The following PARD3B variants were observed in gnomAD, a reference collection of about 807,000 sequenced individuals.
The protein encoded by PARD3B is par-3 family cell polarity regulator beta.
A neutral mutation model predicts 130.2 loss-of-function variants in PARD3B; 103 were observed. The observed-to-expected ratio is 0.79, with a 90% CI of 0.67 to 0.93. PARD3B has a LOEUF of 0.93. Among genes scored for constraint, PARD3B ranks in the 40% least tolerant of loss-of-function variants. PARD3B has a pLI of 0.00. For synonymous variants in PARD3B, 583 were observed against 553.2 expected (o/e 1.05, Z -0.76); for missense variants, 1,609 against 1,499.2 (o/e 1.07, Z -1.21).
At chr2:205,452,702 C>T (rs548494225) in intron 20 of PARD3B, among the ~76,000 whole-genome samples, 5 of 152,222 alleles carry the variant, frequency 3.3e-5, no homozygotes, top group African/African-American at 9.6e-5. Context: ...TTTTTCCCGT[C>T]GTCTGAGAGC....
Position 205,556,423 on chromosome 2 carries a change from C to T in PARD3B, c.3260+3020C>T, listed in dbSNP as rs2052889607. On this transcript the variant is annotated intron_variant, in intron 22 of 22. Coordinates refer to ENST00000406610, the MANE Select transcript of PARD3B (RefSeq NM_001302769.2). ...GCTCTGGTCAAGTGCTTTCATGGAA[C>T]TCGGTCATCTTTAAAGCAGGCCCAT... Among the ~76,000 whole-genome samples, 12 of 152,282 alleles carry T rather than the reference C, an allele frequency of 7.9e-5. No individual in the cohort carries two copies. In the South Asian group the frequency reaches 2.3e-3, roughly 29 times the overall value.
chr2:205,259,144 A>G (rs1364679924), intron 16 of PARD3B, among the ~76,000 whole-genome samples: 1 of 152,082 alleles, frequency 6.6e-6, no homozygotes, highest in Admixed American at 6.6e-5. Context: ...TATTAATTTC[A>G]GTGTTTTATG....
intron 2 of PARD3B, among the ~76,000 whole-genome samples, chr2:204,761,019 A>C (rs761338142): frequency 1.4e-4 from 22 of 152,132 alleles, no homozygotes; most frequent in Non-Finnish European, 2.5e-4. Flanking sequence ...CTTTTATTTA[A>C]TCTTTACAAT....
intron 2 of PARD3B, among the ~76,000 whole-genome samples, chr2:204,897,080 T>TC (rs1357955924): frequency 6.6e-6 from 1 of 152,222 alleles, no homozygotes; most frequent in African/African-American, 2.4e-5. Flanking sequence ...TAAGTGTTTT[T>TC]CCCTTATGTT....
intron 2 of PARD3B, among the ~76,000 whole-genome samples, chr2:204,891,366 G>A (rs1277202636): frequency 2.6e-5 from 4 of 152,108 alleles, no homozygotes; most frequent in Admixed American, 1.3e-4. Context: ...AATAGTGAAG[G>A]CATCCAGGTG....
chr2:205,070,389 A>G (rs923894189), intron 4 of PARD3B, among the ~76,000 whole-genome samples: 14 of 151,772 alleles, frequency 9.2e-5, no homozygotes, highest in African/African-American at 3.1e-4. Flanking sequence ...CACTGCATCT[A>G]GTTGCTATGT....
intron 16 of PARD3B, among the ~76,000 whole-genome samples, chr2:205,299,093 G>T (rs1207430): frequency 2.0e-4 from 31 of 152,186 alleles, no homozygotes; most frequent in Middle Eastern, 3.4e-3. Flanking sequence ...TAGCTATTAC[G>T]ATTATTCATT....
At chr2:205,141,278 A>G (rs2032929131) in intron 10 of PARD3B, among the ~76,000 whole-genome samples, 1 of 152,210 alleles carries the variant, frequency 6.6e-6, no homozygotes. Context: ...TTATTTAAGA[A>G]GAAAAAATAA....
At chr2:205,422,622 A>T (rs767158884) in intron 19 of PARD3B, among the ~76,000 whole-genome samples, 11 of 152,014 alleles carry the variant, frequency 7.2e-5, no homozygotes, top group Non-Finnish European at 8.8e-5. Context: ...TAACCACAAT[A>T]AAAAAAATGC....
At position 205,563,192 on chromosome 2, in the gene PARD3B, A is replaced by T. The variant is rs1243397789; in HGVS notation, c.3260+9789A>T. Among the ~76,000 whole-genome samples the T allele has an allele frequency of 1.3e-5, 2 of 152,222 alleles. No individual in the cohort carries two copies. The highest frequency in any genetic ancestry group is 2.9e-5 in the Non-Finnish European group (2 of 68,038). On this transcript the variant is annotated intron_variant, in intron 22 of 22. Coordinates refer to ENST00000406610, the MANE Select transcript of PARD3B (RefSeq NM_001302769.2). The surrounding 1 kb of genome is among the most constrained non-coding windows in gnomAD (Gnocchi z 4.2). ...GATCTGCATGCAAATTGTTTCAAAGATGTCATGTTTATTCCTAAACTAGTT... is the reference window on the plus strand; with the variant it reads ...GATCTGCATGCAAATTGTTTCAAAGTTGTCATGTTTATTCCTAAACTAGTT...
chr2:204,639,733 C>G (rs1218761599), intron 1 of PARD3B, among the ~76,000 whole-genome samples: 1 of 152,146 alleles, frequency 6.6e-6, no homozygotes, highest in Non-Finnish European at 1.5e-5. Context: ...GTGGGATGCC[C>G]AATCTCCTGC....
At chr2:204,819,422 G>T (rs1445601780) in intron 2 of PARD3B, among the ~76,000 whole-genome samples, 1 of 152,142 alleles carries the variant, frequency 6.6e-6, no homozygotes, top group African/African-American at 2.4e-5. Flanking sequence ...CTTAATAAGT[G>T]CATGTGTTCT....
At chr2:204,754,602 A>G (rs1444127839) in intron 2 of PARD3B, among the ~76,000 whole-genome samples, 1 of 152,212 alleles carries the variant, frequency 6.6e-6, no homozygotes, top group Non-Finnish European at 1.5e-5. Flanking sequence ...TTGTTATTAC[A>G]TTATTTTCAC....
intron 1 of PARD3B, among the ~76,000 whole-genome samples, chr2:204,671,661 C>T (rs10174664): frequency 3.9e-5 from 6 of 152,006 alleles, no homozygotes; most frequent in Admixed American, 2.0e-4. Context: ...TTCTTAATTT[C>T]CTTGTTTGGG....
Position 204,980,831 on chromosome 2 carries a change from A to G in PARD3B, c.394+15508A>G, listed in dbSNP as rs548763093. Among the ~76,000 whole-genome samples, 9 of 152,342 alleles carry G rather than the reference A, an allele frequency of 5.9e-5. No homozygotes were observed. The South Asian group carries it at 1.7e-3, about 28-fold the overall frequency. ...CTGAGAAGACTTGATGACTAAATACAGTATGGTATCCTAAACTGGATCCTG... is the reference window on the plus strand; with the variant it reads ...CTGAGAAGACTTGATGACTAAATACGGTATGGTATCCTAAACTGGATCCTG... On this transcript the variant is annotated intron_variant, in intron 3 of 22. Transcript: ENST00000406610.
At chr2:205,104,353 A>G (rs1356113017) in intron 4 of PARD3B, 73 bp from the exon 5 acceptor site, 7 of 1,111,984 alleles carry the variant, frequency 6.3e-6, no homozygotes, top group Non-Finnish European at 9.6e-6. Context: ...ACTCTCCCAT[A>G]TTGGGATATT....
intron 1 of PARD3B, among the ~76,000 whole-genome samples, chr2:204,597,760 C>A (rs777297515): frequency 1.3e-5 from 2 of 152,110 alleles, no homozygotes; most frequent in Non-Finnish European, 2.9e-5. Context: ...TGGAAATACT[C>A]CAAGTCAGCT....
chr2:205,085,846 CATT>C (rs1701710304), intron 4 of PARD3B, among the ~76,000 whole-genome samples: 2 of 151,450 alleles, frequency 1.3e-5, no homozygotes, highest in African/African-American at 4.9e-5. Flanking sequence ...ATATATTTTT[CATT>C]ATTTTATCAT....
intron 15 of PARD3B, 40 bp downstream of exon 15, chr2:205,193,360 C>G: frequency 7.0e-7 from 1 of 1,429,650 alleles, no homozygotes. Flanking sequence ...AGCTCTCCAG[C>G]CTCAGCCCAT....
Sources: allele counts gnomAD v4.1 joint callset (sites outside exome capture counted in the v4.1 genomes callset), GRCh38; gene constraint gnomAD v4.1.1; non-coding constraint Gnocchi (gnomAD v3.1); transcripts MANE v1.5; gene names NCBI Gene and HGNC (gene_info 2026-07-23, HGNC 2026-07-21).